MAP3K1: variants seen among roughly 807,000 people sequenced by gnomAD.
MAP3K1 encodes the protein MAP/ERK kinase kinase 1.
MAP3K1 carries 36 observed loss-of-function variants against 144.2 expected under a neutral mutation model. That is an observed-to-expected ratio of 0.25 (90% CI 0.19 to 0.33). MAP3K1 has a LOEUF of 0.33. MAP3K1 is among the 10% of genes least tolerant of loss of function. The probability of loss-of-function intolerance (pLI) is 1.00; values close to 1 mark genes in which losing one functional copy is unlikely to be tolerated. For missense variants in MAP3K1, 1,650 were observed against 1,881.9 expected (o/e 0.88, Z 2.28); for synonymous variants, 718 against 688.7 (o/e 1.04, Z -0.67).
At chr5:56,853,125 G>T (rs1223642306) in intron 1 of MAP3K1, among the ~76,000 whole-genome samples, 1 of 152,134 alleles carries the variant, frequency 6.6e-6, no homozygotes, top group African/African-American at 2.4e-5. Flanking sequence ...GATCCCAGTG[G>T]TTGTAAGTTG....
rs1432732088 is a variant in MAP3K1, at chr5:56,895,744, A to T, written c.*2064A>T. On this transcript the variant is annotated 3_prime_UTR_variant, in exon 20 of 20. Coordinates refer to ENST00000399503, the MANE Select transcript of MAP3K1 (RefSeq NM_005921.2). ...TCTTTGGATCAAAGCTGGACTGGAA[A>T]TTGTATCGTGTAATTATTTTTGTGT... is the stretch of plus-strand genomic sequence containing the variant. 4.3e-6 allele frequency: 1 copy of T among 232,106 alleles called. No homozygotes were observed. Among genetic ancestry groups the T allele is most frequent in the South Asian group, 1.8e-4 (1 of 5,526 alleles). The allele number at this position is 232,106 out of a possible 1,614,324, so 14.4% of individuals were successfully genotyped here.
intron 1 of MAP3K1, 60 bp from the exon 2 acceptor site, chr5:56,856,540 C>A: frequency 7.0e-7 from 1 of 1,438,238 alleles, no homozygotes; most frequent in Non-Finnish European, 9.8e-7. Flanking sequence ...TCTGTTTGTT[C>A]TTGGAAATTA....
At chr5:56,834,184 G>A (rs1746576314) in intron 1 of MAP3K1, among the ~76,000 whole-genome samples, 1 of 152,120 alleles carries the variant, frequency 6.6e-6, no homozygotes, top group Admixed American at 6.6e-5. Context: ...ACTGCTTATG[G>A]TTGGAAACTT....
Position 56,881,229 on chromosome 5 carries a change from A to G in MAP3K1, c.2326A>G (p.Ile776Val), listed in dbSNP as rs746054873. 5 of 1,613,678 alleles carry G rather than the reference A, an allele frequency of 3.1e-6. No individual in the cohort carries two copies. Among genetic ancestry groups the G allele is most frequent in the East Asian group, 4.5e-5 (2 of 44,816 alleles). The change falls in exon 13 of 20, where the codon ATT becomes GTT. Residue 776 changes from isoleucine to valine, a missense_variant. Ile to Val is a conservative substitution (Grantham distance 29, BLOSUM62 3). Transcript: ENST00000399503. ...LEFPAEFYPH[I>V]VSTDVSQAEP... is the part of the protein sequence containing the mutation. Reference sequence around the variant, plus strand: ...ATTTCCTGCTGAATTTTATCCTCATATTGTCAGTACTGATGTTTCACAAGC... The same window carrying G: ...ATTTCCTGCTGAATTTTATCCTCATGTTGTCAGTACTGATGTTTCACAAGC...
intron 1 of MAP3K1, among the ~76,000 whole-genome samples, chr5:56,818,686 TAC>T (rs1410833732): frequency 6.6e-6 from 1 of 152,144 alleles, no homozygotes; most frequent in African/African-American, 2.4e-5. Context: ...GAAGAAAAAT[TAC>T]AGTGTTACTC....
Position 56,865,011 on chromosome 5 carries a change from T to C in MAP3K1, c.1035+77T>C, listed in dbSNP as rs983057965. 5 of 1,302,832 alleles carry C rather than the reference T, an allele frequency of 3.8e-6. No individual in the cohort carries two copies. In the African/African-American group the frequency reaches 7.4e-5, roughly 19 times the overall value. The allele number at this position is 1,302,832 out of a possible 1,614,324, so 80.7% of individuals were successfully genotyped here. A position where few individuals can be genotyped will look rare whatever the true frequency, so the allele number is the denominator to read the frequency against. ...CTCAAATTTATATACTATAATGTTC[T>C]TAAATTTAGATCAATTAATTCCCTA... is the stretch of plus-strand genomic sequence containing the variant. On this transcript the variant is annotated intron_variant, in intron 4 of 19. Transcript: ENST00000399503.
At chr5:56,816,485 C>T (rs1334102068) in intron 1 of MAP3K1, among the ~76,000 whole-genome samples, 2 of 151,160 alleles carry the variant, frequency 1.3e-5, no homozygotes. Flanking sequence ...CTGAGGCGGG[C>T]GGTGGTCGGA....
In MAP3K1 at chr5:56,815,803, C is replaced by T. The variant is rs1745929838; in HGVS notation, c.230C>T (p.Pro77Leu). The change falls in exon 1 of 20, where the codon CCG (proline) becomes CTG (leucine). Residue 77 changes from proline to leucine, a missense_variant. By Grantham distance (98) the Pro-to-Leu change is moderately conservative (BLOSUM62 -3). Around this residue, in one of 6 missense-constraint regions of MAP3K1, gnomAD observed 360 missense variants for 274.7 expected, o/e 1.31. Coordinates refer to ENST00000399503, the MANE Select transcript of MAP3K1 (RefSeq NM_005921.2). ...GAGCTGGACCAGCTGCCTGAGCAGC[C>T]GCTCTTCCTTGCCGCCTCACCGCCG... ...SVELDQLPEQ[P>L]LFLAASPPAS... 6.3e-6 allele frequency: 9 copies of T among 1,423,598 alleles called. 1 individual carries two copies. Among genetic ancestry groups the T allele is most frequent in the African/African-American group, 5.9e-5 (4 of 67,638 alleles). The allele number at this position is 1,423,598 out of a possible 1,614,324, so 88.2% of individuals were successfully genotyped here.
rs765395275 is a variant in MAP3K1 at position 56,881,925 on chromosome 5, G to C, written c.2725G>C (p.Glu909Gln). The C allele has an allele frequency of 1.9e-6, 3 of 1,613,992 alleles. No homozygotes were observed. In the African/African-American group the frequency reaches 4.0e-5, roughly 22 times the overall value. The change falls in exon 14 of 20, where the codon GAG becomes CAG. Residue 909 changes from glutamate to glutamine, a missense_variant. This residue lies in a region of MAP3K1 where 841 missense variants were observed against 886.5 expected (regional missense o/e 0.95). Coordinates refer to ENST00000399503, the MANE Select transcript of MAP3K1 (RefSeq NM_005921.2). Reference sequence around the variant, plus strand: ...TTCCCCTGAGTGCACAGTCCATTTAGAGAAAACTGGAAAAGGATTATGTGC... The same window carrying C: ...TTCCCCTGAGTGCACAGTCCATTTACAGAAAACTGGAAAAGGATTATGTGC... ...NSSPECTVHL[E>Q]KTGKGLCATK...
intron 1 of MAP3K1, among the ~76,000 whole-genome samples, chr5:56,841,600 T>TTTAACGA (rs1203293328): frequency 6.6e-6 from 1 of 152,214 alleles, no homozygotes; most frequent in Non-Finnish European, 1.5e-5. Flanking sequence ...ACTCTCCAGA[T>TTTAACGA]TTAACGATTA....
intron 1 of MAP3K1, among the ~76,000 whole-genome samples, chr5:56,821,916 C>G (rs1399806167): frequency 6.6e-6 from 1 of 152,174 alleles, no homozygotes; most frequent in Admixed American, 6.5e-5. Flanking sequence ...ATTAGTATAT[C>G]TGAAGATTAA....
intron 1 of MAP3K1, among the ~76,000 whole-genome samples, chr5:56,837,316 G>A (rs1368168682): frequency 6.6e-6 from 1 of 152,144 alleles, no homozygotes; most frequent in Non-Finnish European, 1.5e-5. Flanking sequence ...ACATGGGTAA[G>A]TTCCTAAGTT....
chr5:56,876,268 C>T (rs1156548507), intron 10 of MAP3K1, among the ~76,000 whole-genome samples: 1 of 151,994 alleles, frequency 6.6e-6, no homozygotes, highest in Non-Finnish European at 1.5e-5. Flanking sequence ...CCACCCCCAC[C>T]CGATCATGCC....
chr5:56,818,309 A>G (rs1160086609), intron 1 of MAP3K1, among the ~76,000 whole-genome samples: 2 of 152,158 alleles, frequency 1.3e-5, no homozygotes. Flanking sequence ...TTTAGGAAAA[A>G]AAACCCTTAA....
Position 56,875,113 on chromosome 5 carries a change from G to T in MAP3K1, c.1768G>T (p.Asp590Tyr), listed in dbSNP as rs182209484. ...REMALRRLSH[D>Y]VSGALLLANG... ...GATGGCCCTCAGGCGTCTTTCCCAT[G>T]ATGTCAGTGGGGCCCTGCTGTTGGC... is the stretch of plus-strand genomic sequence containing the variant. Residue 590 changes from aspartate (D) to tyrosine (Y), a missense_variant, in exon 10 of 20, where the codon GAT (aspartate) becomes TAT (tyrosine). Physicochemically the swap from Asp to Tyr is radical, Grantham distance 160 (BLOSUM62 -3). Coordinates refer to ENST00000399503, the MANE Select transcript of MAP3K1 (RefSeq NM_005921.2). 1 of 1,614,198 alleles carries T rather than the reference G, an allele frequency of 6.2e-7. No individual in the cohort carries two copies. Among genetic ancestry groups the T allele is most frequent in the East Asian group, 2.2e-5 (1 of 44,878 alleles).
Position 56,860,043 on chromosome 5 carries a change from T to TGG in MAP3K1, c.834+135_834+136dup, listed in dbSNP as rs113321012. ...AATATGATCTGCAGACCCCTGAGGA[T>TGG]GGGGGGGGTGGTTCCTGAGACCCTT... On this transcript the variant is annotated intron_variant, in intron 3 of 19. Coordinates refer to ENST00000399503, the MANE Select transcript of MAP3K1 (RefSeq NM_005921.2). The TGG allele has an allele frequency of 4.9e-6, 4 of 823,650 alleles. No individual in the cohort carries two copies. The East Asian group carries it at 8.1e-5, about 17-fold the overall frequency. 51.0% of individuals were successfully genotyped at this position (823,650 alleles called of 1,614,324 possible).
At position 56,815,753 on chromosome 5, in the gene MAP3K1, G is replaced by A; in HGVS notation, c.180G>A (p.Arg60=). 1 of 1,371,308 alleles carries A rather than the reference G, an allele frequency of 7.3e-7. No homozygotes were observed. The highest frequency in any genetic ancestry group is 1.7e-5 in the South Asian group (1 of 58,342). 84.9% of individuals were successfully genotyped at this position (1,371,308 alleles called of 1,614,324 possible). The change falls in exon 1 of 20, where the codon CGG becomes CGA. Residue 60 remains arginine (R), a synonymous_variant. Coordinates refer to ENST00000399503, the MANE Select transcript of MAP3K1 (RefSeq NM_005921.2). ...GGRERADWRR[R]QLRKVRSVEL... Reference sequence around the variant, plus strand: ...GCGAGCGGGCGGACTGGCGGCGGCGGCAGCTGCGCAAAGTGCGGAGTGTGG... The same window carrying A: ...GCGAGCGGGCGGACTGGCGGCGGCGACAGCTGCGCAAAGTGCGGAGTGTGG...
At chr5:56,886,139 C>A in intron 17 of MAP3K1, 76 bp downstream of exon 17, 1 of 1,192,738 alleles carries the variant, frequency 8.4e-7, no homozygotes, top group Admixed American at 1.7e-5. Context: ...CACAGTGGCT[C>A]ACACCTGTAA....
At chr5:56,841,917 G>A (rs1039010875) in intron 1 of MAP3K1, 1 of 152,068 alleles carries the variant, frequency 6.6e-6, no homozygotes, top group Non-Finnish European at 1.5e-5. Context: ...GTAGTTCAGT[G>A]GTGCATGTTT....
Sources: gnomAD v4.1 joint callset for allele counts (sites outside exome capture counted in the v4.1 genomes callset) on GRCh38, gnomAD v4.1.1 for gene constraint, gnomAD v4.1.1 regional missense constraint, MANE v1.5 for transcripts, NCBI Gene and HGNC (gene_info 2026-07-23, HGNC 2026-07-21) for gene names.